ADARB1: variants seen among roughly 807,000 people sequenced by gnomAD.
ADARB1 encodes adenosine deaminase RNA specific B1, also known as double-stranded RNA-specific editase 1.
Under a neutral mutation model 52.4 loss-of-function variants are expected in ADARB1, and 10 were observed. The ratio of observed to expected loss-of-function variants is 0.19; its 90% confidence interval spans 0.12 to 0.32. The LOEUF (loss-of-function observed/expected upper bound fraction) is 0.32. Among genes scored for constraint, ADARB1 ranks in the 10% least tolerant of loss-of-function variants. The probability of loss-of-function intolerance (pLI) is 1.00; values close to 1 mark genes in which losing one functional copy is unlikely to be tolerated. For missense variants in ADARB1, 643 were observed against 922.3 expected (o/e 0.70, Z 3.92); for synonymous variants, 349 against 371.1 (o/e 0.94, Z 0.68).
At chr21:45,211,927 G>GA (rs1458021093) in intron 9 of ADARB1, among the ~76,000 whole-genome samples, 11 of 152,330 alleles carry the variant, frequency 7.2e-5, no homozygotes, top group Non-Finnish European at 1.3e-4. Context: ...TTCTGCCCCA[G>GA]AAAAAGCGTA....
In ADARB1 at chr21:45,222,756, C is replaced by G; in HGVS notation, c.*559C>G. The G allele has an allele frequency of 2.0e-6, 2 of 985,962 alleles. No individual in the cohort carries two copies. Among genetic ancestry groups the G allele is most frequent in the Non-Finnish European group, 2.4e-6 (2 of 830,386 alleles). The allele number at this position is 985,962 out of a possible 1,614,324, so 61.1% of individuals were successfully genotyped here. A position where few individuals can be genotyped will look rare whatever the true frequency, so the allele number is the denominator to read the frequency against. On this transcript the variant is annotated 3_prime_UTR_variant, in exon 11 of 11. Coordinates refer to ENST00000348831, the MANE Select transcript of ADARB1 (RefSeq NM_001112.4). ...TGTCTAAACTTAGGTCTCTTTTCTC[C>G]GTAGGTACCTCCCTGGGTAGTTCCA...
At position 45,142,871 on chromosome 21, in the gene ADARB1, A is replaced by AG. The variant is rs1231294933; in HGVS notation, c.-48+14303dup. Among the ~76,000 whole-genome samples the AG allele has an allele frequency of 2.0e-5, 3 of 152,140 alleles. No individual in the cohort carries two copies. The highest frequency in any genetic ancestry group is 2.9e-5 in the Non-Finnish European group (2 of 68,016). Reference sequence around the variant, plus strand: ...TAGAAGAGGGAGCAGGGCTTTGACCAGGGGGACCAGCTAGTGACTCTGTGC... The same window carrying AG: ...TAGAAGAGGGAGCAGGGCTTTGACCAGGGGGGACCAGCTAGTGACTCTGTGC... On this transcript the variant is annotated intron_variant, in intron 2 of 10. Transcript: ENST00000348831. The surrounding 1 kb of genome is among the most constrained non-coding windows in gnomAD (Gnocchi z 4.0).
At chr21:45,156,448 C>T (rs1416444784) in intron 2 of ADARB1, among the ~76,000 whole-genome samples, 9 of 151,522 alleles carry the variant, frequency 5.9e-5, no homozygotes, top group African/African-American at 1.9e-4. Flanking sequence ...TTCGTCCATC[C>T]ATCCACCCAC....
chr21:45,207,809 A>G (rs1039545841), intron 9 of ADARB1, among the ~76,000 whole-genome samples: 1 of 152,226 alleles, frequency 6.6e-6, no homozygotes, highest in African/African-American at 2.4e-5. Context: ...AGGAACAAAA[A>G]TGGACATAAA....
intron 1 of ADARB1, among the ~76,000 whole-genome samples, chr21:45,083,401 A>G (rs2086224396): frequency 6.6e-6 from 1 of 152,220 alleles, no homozygotes; most frequent in South Asian, 2.1e-4. Context: ...TATGTAGAAT[A>G]GAAACATTTA....
intron 2 of ADARB1, among the ~76,000 whole-genome samples, chr21:45,147,868 G>T (rs2090083858): frequency 6.6e-6 from 1 of 152,064 alleles, no homozygotes; most frequent in Non-Finnish European, 1.5e-5. Flanking sequence ...CTTCTCTTCT[G>T]AGCCCCACGC....
At chr21:45,207,470 G>A (rs1164461973) in intron 9 of ADARB1, among the ~76,000 whole-genome samples, 2 of 152,208 alleles carry the variant, frequency 1.3e-5, no homozygotes, top group Non-Finnish European at 2.9e-5. Context: ...TGCTGTGGGT[G>A]TTACTGGAGA....
chr21:45,085,462 G>T (rs986713710), intron 1 of ADARB1, among the ~76,000 whole-genome samples: 5 of 147,114 alleles, frequency 3.4e-5, no homozygotes, highest in African/African-American at 1.2e-4. Flanking sequence ...AAACTTCAGC[G>T]CCGTGGCTGC....
rs919565036 is a variant in ADARB1 at position 45,180,209 on chromosome 21, G to A, written c.964-121G>A. The A allele has an allele frequency of 9.9e-6, 7 of 708,524 alleles. No homozygotes were observed. In the African/African-American group the frequency reaches 1.1e-4, roughly 11 times the overall value. 43.9% of individuals were successfully genotyped at this position (708,524 alleles called of 1,614,324 possible). A position where few individuals can be genotyped will look rare whatever the true frequency, so the allele number is the denominator to read the frequency against. Reference sequence around the variant, plus strand: ...CTTGTTTGCCAGATTTACCTGTGTGGTCTTCCAGATGAGAAGCAGCCTGTG... The same window carrying A: ...CTTGTTTGCCAGATTTACCTGTGTGATCTTCCAGATGAGAAGCAGCCTGTG... On this transcript the variant is annotated intron_variant, in intron 4 of 10. Coordinates refer to ENST00000348831, the MANE Select transcript of ADARB1 (RefSeq NM_001112.4).
intron 1 of ADARB1, among the ~76,000 whole-genome samples, chr21:45,085,496 C>A (rs1456510642): frequency 6.6e-6 from 1 of 152,220 alleles, no homozygotes; most frequent in Non-Finnish European, 1.5e-5. Context: ...TGATTGGACT[C>A]TTTACGTCTA....
At chr21:45,214,729 C>T (rs1441028868) in intron 9 of ADARB1, among the ~76,000 whole-genome samples, 1 of 152,156 alleles carries the variant, frequency 6.6e-6, no homozygotes. Context: ...TGTTGTTTGC[C>T]TTTAATCTCT....
intron 2 of ADARB1, chr21:45,134,790 T>C: frequency 1.9e-6 from 1 of 533,134 alleles, no homozygotes; most frequent in Non-Finnish European, 3.8e-6. Context: ...GCCAGGCCCA[T>C]GAGTGATGAA....
chr21:45,155,040 T>G lies in ADARB1; in HGVS notation c.-47-16570T>G, dbSNP rs529107229. Among the ~76,000 whole-genome samples, 7 of 152,364 alleles carry G rather than the reference T, an allele frequency of 4.6e-5. No individual in the cohort carries two copies. The East Asian group carries it at 1.4e-3, about 29-fold the overall frequency. On this transcript the variant is annotated intron_variant, in intron 2 of 10. Coordinates refer to ENST00000348831, the MANE Select transcript of ADARB1 (RefSeq NM_001112.4). Reference sequence around the variant, plus strand: ...CCCTCCTGCTGTCTGAATAGCATCCTGTATTTCCAGATGTATTTCTCACTG... The same window carrying G: ...CCCTCCTGCTGTCTGAATAGCATCCGGTATTTCCAGATGTATTTCTCACTG...
At chr21:45,185,666 C>T (rs1476979004) in intron 8 of ADARB1, among the ~76,000 whole-genome samples, 4 of 152,148 alleles carry the variant, frequency 2.6e-5, no homozygotes, top group African/African-American at 7.2e-5. Flanking sequence ...GGCCTGTATC[C>T]AGAGCAGATT....
intron 1 of ADARB1, among the ~76,000 whole-genome samples, chr21:45,081,784 G>T (rs369457634): frequency 2.0e-5 from 3 of 152,180 alleles, no homozygotes; most frequent in East Asian, 1.9e-4. Context: ...ATGTCAGGAG[G>T]GGGGACAACA....
At chr21:45,084,627 T>G (rs958185769) in intron 1 of ADARB1, among the ~76,000 whole-genome samples, 2 of 152,238 alleles carry the variant, frequency 1.3e-5, no homozygotes, top group African/African-American at 4.8e-5. Context: ...GAGTTTATCA[T>G]AAGCCACCAG....
rs2092964811 is a variant in ADARB1 at position 45,221,584 on chromosome 21, GTT to G, written c.1927-433_1927-432del. On this transcript the variant is annotated intron_variant, in intron 10 of 10. Transcript: ENST00000348831. The surrounding 1 kb of genome is among the most constrained non-coding windows in gnomAD (Gnocchi z 4.9). Reference sequence around the variant, plus strand: ...AAGGGACAGTGCCCGGGAGGGTCCTGTTCACCAGGGGCAGCACCCAGGCCAGC... The same window carrying G: ...AAGGGACAGTGCCCGGGAGGGTCCTGCACCAGGGGCAGCACCCAGGCCAGC... Among the ~76,000 whole-genome samples the G allele has an allele frequency of 6.6e-6, 1 of 152,194 alleles. No individual in the cohort carries two copies. The highest frequency in any genetic ancestry group is 1.5e-5 in the Non-Finnish European group (1 of 68,042).
At chr21:45,188,680 A>G (rs1445661223) in intron 8 of ADARB1, among the ~76,000 whole-genome samples, 4 of 151,988 alleles carry the variant, frequency 2.6e-5, no homozygotes, top group Non-Finnish European at 4.4e-5. Context: ...ATTGACATTT[A>G]AAGTAATCAC....
At chr21:45,116,685 AAGG>A (rs1412883449) in intron 1 of ADARB1, among the ~76,000 whole-genome samples, 2 of 152,200 alleles carry the variant, frequency 1.3e-5, no homozygotes, top group Admixed American at 1.3e-4. Context: ...TGGCAACAGC[AAGG>A]AGAAGTGTCC....
Sources: gnomAD v4.1 joint callset for allele counts (sites outside exome capture counted in the v4.1 genomes callset) on GRCh38, gnomAD v4.1.1 for gene constraint, Gnocchi (gnomAD v3.1) non-coding constraint, MANE v1.5 for transcripts, NCBI Gene and HGNC (gene_info 2026-07-23, HGNC 2026-07-21) for gene names.